The following FGF14 variants were observed in gnomAD, a reference collection of about 807,000 sequenced individuals.
FGF14 encodes fibroblast growth factor 14.
A neutral mutation model predicts 25.5 loss-of-function variants in FGF14; 5 were observed. That is an observed-to-expected ratio of 0.20 (90% CI 0.10 to 0.41). The LOEUF (loss-of-function observed/expected upper bound fraction) is 0.41. FGF14 is among the 10% of genes least tolerant of loss of function. FGF14 has a pLI of 1.00. For synonymous variants in FGF14, 138 were observed against 118.3 expected (o/e 1.17, Z -1.08); for missense variants, 222 against 320.1 (o/e 0.69, Z 2.34).
chr13:102,225,803 ATGAAG>A (rs1273390200), intron 1 of FGF14, among the ~76,000 whole-genome samples: 1 of 152,184 alleles, frequency 6.6e-6, no homozygotes, highest in Non-Finnish European at 1.5e-5. Flanking sequence ...CATTTAGGTA[ATGAAG>A]TAAATTATAT....
At chr13:101,815,408 A>C (rs997859819) in intron 3 of FGF14, among the ~76,000 whole-genome samples, 3 of 152,182 alleles carry the variant, frequency 2.0e-5, no homozygotes, top group Non-Finnish European at 4.4e-5. Flanking sequence ...CAAAGGGCTA[A>C]TCACAGAGAC....
intron 1 of FGF14, among the ~76,000 whole-genome samples, chr13:102,354,663 C>T (rs2057374381): frequency 6.6e-6 from 1 of 152,126 alleles, no homozygotes; most frequent in Non-Finnish European, 1.5e-5. Context: ...GCTTTTTTAT[C>T]TCCTGAGGCT....
At chr13:102,039,685 G>A (rs561926006) in intron 1 of FGF14, among the ~76,000 whole-genome samples, 9 of 152,194 alleles carry the variant, frequency 5.9e-5, no homozygotes, top group East Asian at 1.9e-4. Context: ...ACTTGATTAC[G>A]TCTGCTAAGA....
At position 102,208,951 on chromosome 13, in the gene FGF14, T is replaced by C. The variant is rs145370052; in HGVS notation, c.208+192520A>G. Among the ~76,000 whole-genome samples the C allele has an allele frequency of 2.9e-3, 436 of 152,368 alleles. 1 individual carries two copies. The highest frequency in any genetic ancestry group is 8.9e-3 in the African/African-American group (370 of 41,576). On this transcript the variant is annotated intron_variant, in intron 1 of 4. Transcript: ENST00000376131. The stretch of plus-strand genomic sequence containing the variant: ...TCTACCCAAATTTAAATGATTCTTT[T>C]CACTCCCTCCAGCAGAATCACACTC...
intron 1 of FGF14, among the ~76,000 whole-genome samples, chr13:102,339,817 T>C (rs1328879032): frequency 6.6e-6 from 1 of 151,980 alleles, no homozygotes; most frequent in Non-Finnish European, 1.5e-5. Flanking sequence ...ATAAAAAGGG[T>C]TAAAGAAGTT....
intron 1 of FGF14, among the ~76,000 whole-genome samples, chr13:101,921,965 T>C (rs1021100500): frequency 6.6e-6 from 1 of 152,244 alleles, no homozygotes; most frequent in African/African-American, 2.4e-5. Flanking sequence ...AATTTCCATG[T>C]ACTTTCCTTA....
intron 1 of FGF14, among the ~76,000 whole-genome samples, chr13:102,243,095 T>C (rs182164206): frequency 6.6e-6 from 1 of 152,072 alleles, no homozygotes; most frequent in African/African-American, 2.4e-5. Context: ...AGGGACATAA[T>C]GGTGGTCAGC....
intron 1 of FGF14, among the ~76,000 whole-genome samples, chr13:102,390,049 T>G (rs1199877416): frequency 6.6e-6 from 1 of 152,200 alleles, no homozygotes; most frequent in Non-Finnish European, 1.5e-5. Flanking sequence ...ACATGCAATG[T>G]CATATCCCGG....
intron 1 of FGF14, among the ~76,000 whole-genome samples, chr13:102,129,155 C>A (rs1261477744): frequency 6.6e-6 from 1 of 152,026 alleles, no homozygotes; most frequent in African/African-American, 2.4e-5. Context: ...GAGGCTGAGG[C>A]AGGAGAATCA....
chr13:102,332,594 A>AT (rs60479910), intron 1 of FGF14, among the ~76,000 whole-genome samples: 31,031 of 151,224 alleles, frequency 0.21, 3,210 homozygotes, highest in South Asian at 0.23. Context: ...CTTTACCAAC[A>AT]TTTTTTTTTA....
chr13:101,784,296 T>A (rs1026167978), intron 3 of FGF14, among the ~76,000 whole-genome samples: 4 of 152,194 alleles, frequency 2.6e-5, no homozygotes, highest in African/African-American at 4.8e-5. Context: ...TTCTTTAATA[T>A]CCTCTAGTTC....
At chr13:102,109,547 TA>T (rs2045110441) in intron 1 of FGF14, among the ~76,000 whole-genome samples, 2 of 152,168 alleles carry the variant, frequency 1.3e-5, no homozygotes, top group South Asian at 4.1e-4. Context: ...AATTTGTCAA[TA>T]AAAAATAATA....
At chr13:101,836,225 G>T (rs1184603709) in intron 3 of FGF14, among the ~76,000 whole-genome samples, 1 of 151,996 alleles carries the variant, frequency 6.6e-6, no homozygotes, top group African/African-American at 2.4e-5. Context: ...ATGTGCATCT[G>T]CCAAGAACAA....
chr13:101,929,258 T>G (rs1208653193), intron 1 of FGF14, among the ~76,000 whole-genome samples: 2 of 151,936 alleles, frequency 1.3e-5, no homozygotes, highest in Non-Finnish European at 2.9e-5. Flanking sequence ...TTGGGAAAGG[T>G]CTCATGGAAA....
intron 1 of FGF14, among the ~76,000 whole-genome samples, chr13:102,108,455 G>T (rs1326105701): frequency 6.6e-6 from 1 of 152,190 alleles, no homozygotes; most frequent in Non-Finnish European, 1.5e-5. Flanking sequence ...CCTACGGGGA[G>T]ACGTGTTTAA....
Position 102,163,918 on chromosome 13 carries a change from C to T in FGF14, c.208+237553G>A, listed in dbSNP as rs2140621950. Among the ~76,000 whole-genome samples the T allele has an allele frequency of 2.6e-5, 4 of 152,200 alleles. No homozygotes were observed. The Middle Eastern group carries it at 0.014, about 518-fold the overall frequency. On this transcript the variant is annotated intron_variant, in intron 1 of 4. Coordinates refer to the FGF14 transcript ENST00000376131. The stretch of plus-strand genomic sequence containing the variant: ...GATGGGTTAATGAAGCCATTCCAGA[C>T]ATGAAAAAGAAATAGTGAAAACCTA...
rs2034963307 is a variant in FGF14, at chr13:101,721,285, T to G, written c.*1546A>C. On this transcript the variant is annotated 3_prime_UTR_variant, in exon 5 of 5. Coordinates refer to ENST00000376143, the MANE Select transcript of FGF14 (RefSeq NM_004115.4). ...AATATTGAACATTTTGCATGGAATC[T>G]TCATTGTGTAGTCAACTGTTCCTGG... The G allele has an allele frequency of 6.6e-6, 1 of 152,156 alleles. No individual in the cohort carries two copies. Among genetic ancestry groups the G allele is most frequent in the Admixed American group, 6.5e-5 (1 of 15,268 alleles). The allele number at this position is 152,156 out of a possible 1,614,324, so 9.4% of individuals were successfully genotyped here. A position where few individuals can be genotyped will look rare whatever the true frequency, so the allele number is the denominator to read the frequency against.
rs547181044 is a variant in FGF14, at chr13:101,719,331, C to T, written c.*3500G>A. ...GAACTTCTGCTTGCTCCCCAAGAGG[C>T]AAACTATTAGAAGAACTGGAGCGGG... On this transcript the variant is annotated 3_prime_UTR_variant, in exon 5 of 5. Coordinates refer to ENST00000376143, the MANE Select transcript of FGF14 (RefSeq NM_004115.4). 1 of 151,988 alleles carries T rather than the reference C, an allele frequency of 6.6e-6. No individual in the cohort carries two copies. The highest frequency in any genetic ancestry group is 1.5e-5 in the Non-Finnish European group (1 of 67,994). The allele number at this position is 151,988 out of a possible 1,614,324, so 9.4% of individuals were successfully genotyped here. A position where few individuals can be genotyped will look rare whatever the true frequency, so the allele number is the denominator to read the frequency against.
chr13:101,815,943 T>G (rs180817373), intron 3 of FGF14, among the ~76,000 whole-genome samples: 1,724 of 152,220 alleles, frequency 0.011, 10 homozygotes, highest in Non-Finnish European at 0.02. Flanking sequence ...AAATTAAAAC[T>G]TTGATCATTT....
Sources: gnomAD v4.1 joint callset for allele counts (sites outside exome capture counted in the v4.1 genomes callset) on GRCh38, gnomAD v4.1.1 for gene constraint, MANE v1.5 for transcripts, NCBI Gene and HGNC (gene_info 2026-07-23, HGNC 2026-07-21) for gene names.